CDV3: variants seen among roughly 807,000 people sequenced by gnomAD.
CDV3 encodes the protein CDV3 homolog, also known as protein CDV3 homolog.
Under a neutral mutation model 24.5 loss-of-function variants are expected in CDV3, and 14 were observed. That is an observed-to-expected ratio of 0.57 (90% CI 0.38 to 0.89). CDV3 has a LOEUF of 0.89. CDV3 is among the 40% of genes least tolerant of loss of function. The pLI is 0.00. For synonymous variants in CDV3, 114 were observed against 114.1 expected, an observed-to-expected ratio of 1.00 and a Z score of 0.00; for missense variants, 304 against 310.2, an observed-to-expected ratio of 0.98 and a Z score of 0.15.
intron 2 of CDV3, among the ~76,000 whole-genome samples, chr3:133,583,541 T>C (rs1371728620): frequency 6.6e-6 from 1 of 152,130 alleles, no homozygotes; most frequent in African/African-American, 2.4e-5. Context: ...TCAGGCATAT[T>C]GTCACAGAGG....
At chr3:133,585,173 C>T (rs138686371) in intron 3 of CDV3, among the ~76,000 whole-genome samples, 59 of 151,958 alleles carry the variant, frequency 3.9e-4, no homozygotes, top group African/African-American at 1.1e-3. Flanking sequence ...CCTCCCACCC[C>T]AGCCTTCCAA....
At position 133,574,187 on chromosome 3, in the gene CDV3, C is replaced by A; in HGVS notation, c.143C>A (p.Ala48Glu). Reference sequence around the variant, plus strand: ...GGAAGCAGTGGAGCCGCGGGTGCGGCGGGCGGCGGGGCGGGCGCGGGGACC... The same window carrying A: ...GGAAGCAGTGGAGCCGCGGGTGCGGAGGGCGGCGGGGCGGGCGCGGGGACC... Reference protein sequence around the residue: ...AGGSSGAAGAAGGGAGAGTRP... With the variant: ...AGGSSGAAGAEGGGAGAGTRP... The change falls in exon 1 of 5, where the codon GCG becomes GAG. Residue 48 changes from alanine to glutamate, a missense_variant. Physicochemically the swap from Ala to Glu is moderately radical, Grantham distance 107. Around this residue, in one of 3 missense-constraint regions of CDV3, gnomAD observed 219 missense variants for 203.6 expected, o/e 1.08. Coordinates refer to ENST00000264993, the MANE Select transcript of CDV3 (RefSeq NM_017548.5). 9.8e-7 allele frequency: 1 copy of A among 1,023,660 alleles called. No individual in the cohort carries two copies. Among genetic ancestry groups the A allele is most frequent in the Non-Finnish European group, 1.2e-6 (1 of 859,820 alleles). 63.4% of individuals were successfully genotyped at this position (1,023,660 alleles called of 1,614,324 possible). A position where few individuals can be genotyped will look rare whatever the true frequency, so the allele number is the denominator to read the frequency against.
intron 2 of CDV3, among the ~76,000 whole-genome samples, chr3:133,583,596 T>G (rs534866443): frequency 6.6e-6 from 1 of 152,204 alleles, no homozygotes; most frequent in Non-Finnish European, 1.5e-5. Context: ...ACAGTCACGC[T>G]CTGTCGCCCA....
rs953070887 is a variant in CDV3, at chr3:133,582,328, T to C, written c.318-1674T>C. 3.9e-5 allele frequency among the ~76,000 whole-genome samples: 6 copies of C among 152,242 alleles called. No homozygotes were observed. In the East Asian group the frequency reaches 1.2e-3, roughly 29 times the overall value. ...CACCACACCTGGCTAATTTTTGTGT[T>C]TTTAGTGGAGATGGGGTTTTGCCAT... On this transcript the variant is annotated intron_variant, in intron 2 of 4. Transcript: ENST00000264993.
At chr3:133,579,471 G>T (rs1020408625) in intron 2 of CDV3, among the ~76,000 whole-genome samples, 3 of 152,132 alleles carry the variant, frequency 2.0e-5, no homozygotes, top group Non-Finnish European at 4.4e-5. Flanking sequence ...AATATGTAAA[G>T]ATGAAAAAGT....
At chr3:133,582,857 C>T (rs1361666329) in intron 2 of CDV3, among the ~76,000 whole-genome samples, 2 of 152,140 alleles carry the variant, frequency 1.3e-5, no homozygotes, top group African/African-American at 4.8e-5. Context: ...GCAAAAAGGA[C>T]GTTCGATTTA....
chr3:133,582,762 C>A (rs903864037), intron 2 of CDV3, among the ~76,000 whole-genome samples: 1 of 152,066 alleles, frequency 6.6e-6, no homozygotes, highest in Non-Finnish European at 1.5e-5. Context: ...GCTTGAAGAC[C>A]TAGGAAAAGC....
chr3:133,574,311 G>C (rs1333322608), intron 1 of CDV3, 27 bp downstream of exon 1: 1 of 954,280 alleles, frequency 1.0e-6, no homozygotes, highest in Non-Finnish European at 1.2e-6. Flanking sequence ...CCGGCACTCG[G>C]GGCCCGGGCC....
chr3:133,575,969 C>G lies in CDV3; in HGVS notation c.317+854C>G, dbSNP rs114452072. 6.1e-3 allele frequency among the ~76,000 whole-genome samples: 926 copies of G among 152,294 alleles called. 6 individuals are homozygous for G. Among genetic ancestry groups the G allele is most frequent in the African/African-American group, 0.021 (867 of 41,550 alleles). On this transcript the variant is annotated intron_variant, in intron 2 of 4. Transcript: ENST00000264993. ...AATAAAGGATCTTGATAAACTGTCTCCAGTTTGAAGGTTGCATTTTATAGG... is the reference window on the plus strand; with the variant it reads ...AATAAAGGATCTTGATAAACTGTCTGCAGTTTGAAGGTTGCATTTTATAGG...
Position 133,586,718 on chromosome 3 carries a change from C to T in CDV3, c.622C>T (p.Arg208Trp), listed in dbSNP as rs374297540. 34 of 1,579,502 alleles carry T rather than the reference C, an allele frequency of 2.2e-5. No individual in the cohort carries two copies. The highest frequency in any genetic ancestry group is 2.8e-5 in the Non-Finnish European group (32 of 1,148,706). The change falls in exon 4 of 5, where the codon CGG (arginine) becomes TGG (tryptophan). Residue 208 changes from arginine (R) to tryptophan (W), a missense_variant. Physicochemically the swap from Arg to Trp is moderately radical, Grantham distance 101 (BLOSUM62 -3). This residue lies in a region of CDV3 where 29 missense variants were observed against 55.8 expected (regional missense o/e 0.52). Transcript: ENST00000264993. Reference sequence around the variant, plus strand: ...GTCAACTGCCAAGCATGTAGAAAGCCGGAAGTAAGTACTATAATTAATTGC... The same window carrying T: ...GTCAACTGCCAAGCATGTAGAAAGCTGGAAGTAAGTACTATAATTAATTGC... ...LQSTAKHVESRKDKEMEKSFE... is the reference protein window; with the variant it reads ...LQSTAKHVESWKDKEMEKSFE...
chr3:133,579,225 A>G (rs147882636), intron 2 of CDV3, among the ~76,000 whole-genome samples: 1 of 152,294 alleles, frequency 6.6e-6, no homozygotes, highest in Non-Finnish European at 1.5e-5. Flanking sequence ...TAGCATCATT[A>G]TTCTCCTCAC....
rs534616950 is a variant in CDV3, at chr3:133,578,643, G to A, written c.317+3528G>A. Reference sequence around the variant, plus strand: ...GGGTCAGGAAAGATTCTTTGGATGAGGTGCAGTGCCATTTTAAGCCTCCAG... The same window carrying A: ...GGGTCAGGAAAGATTCTTTGGATGAAGTGCAGTGCCATTTTAAGCCTCCAG... On this transcript the variant is annotated intron_variant, in intron 2 of 4. Transcript: ENST00000264993. Among the ~76,000 whole-genome samples, 15 of 152,292 alleles carry A rather than the reference G, an allele frequency of 9.8e-5. No individual in the cohort carries two copies. In the East Asian group the frequency reaches 2.3e-3, roughly 23 times the overall value.
intron 2 of CDV3, among the ~76,000 whole-genome samples, chr3:133,582,749 G>A (rs188480001): frequency 6.6e-5 from 10 of 152,286 alleles, no homozygotes; most frequent in Admixed American, 5.9e-4. Context: ...AAGGAGTTGA[G>A]AAGCTTGAAG....
intron 2 of CDV3, among the ~76,000 whole-genome samples, chr3:133,582,179 CGG>C: frequency 1.3e-5 from 2 of 152,158 alleles, no homozygotes; most frequent in Middle Eastern, 6.8e-3. Flanking sequence ...ATTTTTGACA[CGG>C]AGTCTCGCTC....
chr3:133,587,088 C>T, intron 4 of CDV3: 1 of 755,698 alleles, frequency 1.3e-6, no homozygotes, highest in Non-Finnish European at 2.0e-6. Flanking sequence ...TAATTGTATT[C>T]CCAGTTAATG....
intron 2 of CDV3, among the ~76,000 whole-genome samples, chr3:133,577,871 T>C (rs1240371814): frequency 6.6e-6 from 1 of 152,228 alleles, no homozygotes. Context: ...ACAGATCTTA[T>C]TCAAGGTCAT....
rs549604790 is a variant in CDV3 at position 133,575,072 on chromosome 3, G to A, written c.274G>A (p.Glu92Lys). Residue 92 changes from glutamate to lysine, a missense_variant, in exon 2 of 5, where the codon GAG becomes AAG. By Grantham distance (56) the Glu-to-Lys change is moderately conservative. Coordinates refer to ENST00000264993, the MANE Select transcript of CDV3 (RefSeq NM_017548.5). ...TGAATGGAAAGAATTGGAGCAAAAA[G>A]AGGTTGATTACAGCGGCCTCAGGGT... ...EDEWKELEQK[E>K]VDYSGLRVQA... 11 of 1,606,936 alleles carry A rather than the reference G, an allele frequency of 6.8e-6. No homozygotes were observed. In the East Asian group the frequency reaches 2.5e-4, roughly 36 times the overall value.
intron 4 of CDV3, chr3:133,587,250 T>G: frequency 3.1e-6 from 4 of 1,294,734 alleles, no homozygotes; most frequent in Non-Finnish European, 4.0e-6. Context: ...TTAAAATAAA[T>G]AAAATGGGAA....
At position 133,586,604 on chromosome 3, in the gene CDV3, A is replaced by G. The variant is rs757550406; in HGVS notation, c.508A>G (p.Arg170Gly). 33 of 1,599,728 alleles carry G rather than the reference A, an allele frequency of 2.1e-5. No homozygotes were observed. Among genetic ancestry groups the G allele is most frequent in the Non-Finnish European group, 2.8e-5 (33 of 1,166,924 alleles). ...PEPAMTSGVY[R>G]PPGARLTTTR... Reference sequence around the variant, plus strand: ...ACCAGCGATGACTAGTGGTGTGTATAGGCCTCCTGGGGCCAGGTTAACCAC... The same window carrying G: ...ACCAGCGATGACTAGTGGTGTGTATGGGCCTCCTGGGGCCAGGTTAACCAC... Residue 170 changes from arginine (R) to glycine (G), a missense_variant, in exon 4 of 5, where the codon AGG (arginine) becomes GGG (glycine). Coordinates refer to ENST00000264993, the MANE Select transcript of CDV3 (RefSeq NM_017548.5).
Sources: allele counts gnomAD v4.1 joint callset (sites outside exome capture counted in the v4.1 genomes callset), GRCh38; gene constraint gnomAD v4.1.1; regional missense constraint gnomAD v4.1.1; transcripts MANE v1.5; gene names NCBI Gene and HGNC (gene_info 2026-07-23, HGNC 2026-07-21).